PEX5L: variants seen among roughly 807,000 people sequenced by gnomAD.
PEX5L encodes peroxisomal biogenesis factor 5 like, also known as PEX5-related protein.
A neutral mutation model predicts 84.0 loss-of-function variants in PEX5L; 30 were observed. The observed-to-expected ratio is 0.36, with a 90% CI of 0.27 to 0.48. PEX5L has a LOEUF of 0.48. Ranked by LOEUF, PEX5L falls within the 20% of genes least tolerant of loss-of-function variation. The probability of loss-of-function intolerance (pLI) is 0.99; values close to 1 mark genes in which losing one functional copy is unlikely to be tolerated. For missense variants in PEX5L, 533 were observed against 754.6 expected (o/e 0.71, Z 3.44); for synonymous variants, 270 against 283.1 (o/e 0.95, Z 0.46).
intron 8 of PEX5L, among the ~76,000 whole-genome samples, chr3:179,828,510 T>C (rs563818395): frequency 6.6e-6 from 1 of 152,302 alleles, no homozygotes; most frequent in African/African-American, 2.4e-5. Context: ...CCTGGCCCTG[T>C]AGCCAACTGA....
chr3:180,036,096 G>A (rs1360594500), intron 1 of PEX5L, among the ~76,000 whole-genome samples: 1 of 152,152 alleles, frequency 6.6e-6, no homozygotes, highest in Non-Finnish European at 1.5e-5. Context: ...TGTGAAGGGG[G>A]AAAATACACT....
chr3:179,829,088 T>G (rs1731659492), intron 8 of PEX5L, among the ~76,000 whole-genome samples: 1 of 152,230 alleles, frequency 6.6e-6, no homozygotes, highest in African/African-American at 2.4e-5. Context: ...CATATAATTA[T>G]GTATACAGAG....
Position 179,835,196 on chromosome 3 carries a change from T to C in PEX5L, c.823-15220A>G, listed in dbSNP as rs186462297. Among the ~76,000 whole-genome samples the C allele has an allele frequency of 1.0e-3, 159 of 152,312 alleles. No individual in the cohort carries two copies. The Middle Eastern group carries it at 0.017, about 16-fold the overall frequency. ...GGAACAGCTGGGGTGTTGAAAAGTA[T>C]TCTGCACCAAGTCAGAAAACATACA... On this transcript the variant is annotated intron_variant, in intron 8 of 14. Coordinates refer to ENST00000467460, the MANE Select transcript of PEX5L (RefSeq NM_016559.3).
intron 1 of PEX5L, chr3:179,974,282 G>C: frequency 7.1e-6 from 5 of 709,130 alleles, no homozygotes; most frequent in Non-Finnish European, 8.6e-6. Flanking sequence ...GCTTCTGTGG[G>C]AGGAGAAGCC....
intron 2 of PEX5L, chr3:179,898,449 T>C (rs1399927349): frequency 2.3e-6 from 1 of 429,798 alleles, no homozygotes; most frequent in Admixed American, 3.9e-5. Context: ...AGCTACTTTT[T>C]CCCCTTTACA....
intron 8 of PEX5L, among the ~76,000 whole-genome samples, chr3:179,836,325 G>A (rs1473807800): frequency 6.6e-6 from 1 of 152,118 alleles, no homozygotes; most frequent in Non-Finnish European, 1.5e-5. Flanking sequence ...TACTTATTTT[G>A]TGAAAGTAGA....
intron 4 of PEX5L, among the ~76,000 whole-genome samples, chr3:179,886,433 T>C (rs1028517327): frequency 2.0e-4 from 30 of 152,216 alleles, no homozygotes; most frequent in Admixed American, 1.8e-3. Context: ...AAAATGAAAG[T>C]GTAGGGAATA....
intron 8 of PEX5L, among the ~76,000 whole-genome samples, chr3:179,850,828 A>G (rs1741546450): frequency 6.6e-6 from 1 of 152,226 alleles, no homozygotes; most frequent in South Asian, 2.1e-4. Flanking sequence ...TTCCACTTCA[A>G]AGAGGTAATA....
At chr3:179,812,366 AT>A (rs1040731475) in intron 10 of PEX5L, among the ~76,000 whole-genome samples, 12 of 152,224 alleles carry the variant, frequency 7.9e-5, no homozygotes, top group Non-Finnish European at 2.9e-5. Flanking sequence ...AAAATCTCCC[AT>A]GATGTGTTCA....
Position 179,796,358 on chromosome 3 carries a change from A to C in PEX5L, c.*5470T>G, listed in dbSNP as rs1012558952. 6.6e-6 allele frequency: 1 copy of C among 152,164 alleles called. No homozygotes were observed. Among genetic ancestry groups the C allele is most frequent in the East Asian group, 1.9e-4 (1 of 5,198 alleles). The allele number at this position is 152,164 out of a possible 1,614,324, so 9.4% of individuals were successfully genotyped here. On this transcript the variant is annotated 3_prime_UTR_variant, in exon 15 of 15. Transcript: ENST00000467460. ...CAGCATTGCAAGTTAGTTTTCTCTT[A>C]TAGAGAAGGTCCTGAGAAAACAGTT...
intron 1 of PEX5L, among the ~76,000 whole-genome samples, chr3:179,995,000 A>G (rs1247838624): frequency 6.6e-6 from 1 of 151,332 alleles, no homozygotes; most frequent in South Asian, 2.1e-4. Context: ...ACTCCCATCT[A>G]TATATATGTA....
intron 8 of PEX5L, among the ~76,000 whole-genome samples, chr3:179,841,592 A>G (rs572037740): frequency 1.3e-5 from 2 of 152,374 alleles, no homozygotes; most frequent in Non-Finnish European, 2.9e-5. Flanking sequence ...ATAGGGTCTG[A>G]TAGACAATAG....
intron 2 of PEX5L, among the ~76,000 whole-genome samples, chr3:179,945,518 T>C (rs1211859268): frequency 6.6e-6 from 1 of 152,202 alleles, no homozygotes; most frequent in Non-Finnish European, 1.5e-5. Flanking sequence ...GCTACAGACA[T>C]AGTTAAAGAC....
chr3:179,817,059 C>CT (rs1175023494), intron 9 of PEX5L, among the ~76,000 whole-genome samples: 1 of 152,190 alleles, frequency 6.6e-6, no homozygotes, highest in African/African-American at 2.4e-5. Context: ...ATCCCACATA[C>CT]TGTATATCTG....
intron 9 of PEX5L, 90 bp downstream of exon 9, chr3:179,819,770 T>C: frequency 9.0e-7 from 1 of 1,105,844 alleles, no homozygotes; most frequent in Non-Finnish European, 1.3e-6. Flanking sequence ...TTACTGTGTT[T>C]TTGACAGAAT....
intron 1 of PEX5L, among the ~76,000 whole-genome samples, chr3:179,983,177 A>C (rs1343387862): frequency 6.6e-6 from 1 of 151,984 alleles, no homozygotes; most frequent in South Asian, 2.1e-4. Context: ...AAGTATACCA[A>C]TATATACATA....
intron 3 of PEX5L, chr3:179,896,070 G>A (rs1020757977): frequency 6.6e-6 from 1 of 152,120 alleles, no homozygotes; most frequent in African/African-American, 2.4e-5. Context: ...CGGACTAGAT[G>A]CTATGGTTGT....
chr3:179,936,576 T>TATATA (rs1774688785), intron 2 of PEX5L, among the ~76,000 whole-genome samples: 1 of 36,546 alleles, frequency 2.7e-5, no homozygotes, highest in African/African-American at 1.0e-4. Flanking sequence ...TTCTGCCCTG[T>TATATA]TAACTTTCCA....
chr3:180,003,022 A>G (rs937682300), intron 1 of PEX5L, among the ~76,000 whole-genome samples: 3 of 152,118 alleles, frequency 2.0e-5, no homozygotes, highest in African/African-American at 7.2e-5. Flanking sequence ...GAGACCAAGG[A>G]GTTTCTCTTT....
Sources: gnomAD v4.1 joint callset for allele counts (sites outside exome capture counted in the v4.1 genomes callset) on GRCh38, gnomAD v4.1.1 for gene constraint, MANE v1.5 for transcripts, NCBI Gene and HGNC (gene_info 2026-07-23, HGNC 2026-07-21) for gene names.